Variants in DYRK1A observed in about 807,000 individuals in gnomAD.
DYRK1A encodes the protein dual specificity tyrosine-phosphorylation-regulated kinase 1A.
Under a neutral mutation model 79.7 loss-of-function variants are expected in DYRK1A, and 9 were observed. The observed-to-expected ratio is 0.11, with a 90% CI of 0.07 to 0.20. The LOEUF (loss-of-function observed/expected upper bound fraction) is 0.20, where lower values mean the gene tolerates loss of function less well. Ranked by LOEUF, DYRK1A falls within the 10% of genes least tolerant of loss-of-function variation. The pLI is 1.00. For missense variants in DYRK1A, 622 were observed against 956.0 expected, an observed-to-expected ratio of 0.65 and a Z score of 4.61; for synonymous variants, 349 against 329.7, an observed-to-expected ratio of 1.06 and a Z score of -0.63.
chr21:37,490,697 C>G (rs937423043), intron 7 of DYRK1A, among the ~76,000 whole-genome samples: 1 of 151,600 alleles, frequency 6.6e-6, no homozygotes, highest in Non-Finnish European at 1.5e-5. Context: ...TAAAATGTAG[C>G]ACTTAATTAC....
At chr21:37,457,033 C>CTTATTTAT (rs769669965) in intron 2 of DYRK1A, among the ~76,000 whole-genome samples, 3 of 118,266 alleles carry the variant, frequency 2.5e-5, no homozygotes, top group African/African-American at 7.6e-5. Context: ...TACTTACTTA[C>CTTATTTAT]TTACTTATTT....
intron 1 of DYRK1A, among the ~76,000 whole-genome samples, chr21:37,403,070 T>A (rs762767305): frequency 4.6e-5 from 7 of 152,212 alleles, no homozygotes; most frequent in Non-Finnish European, 8.8e-5. Context: ...TGGCCTAGAT[T>A]AGATAGTTTC....
intron 1 of DYRK1A, chr21:37,375,120 A>G: frequency 6.6e-6 from 1 of 152,178 alleles, no homozygotes; most frequent in Non-Finnish European, 1.5e-5. Flanking sequence ...ATCTTAAAGT[A>G]AGTATGTGGC....
rs1375702192 is a variant in DYRK1A, at chr21:37,486,902, G to A, written c.637+288G>A. On this transcript the variant is annotated intron_variant, in intron 6 of 11. Coordinates refer to ENST00000647188, the MANE Select transcript of DYRK1A (RefSeq NM_001347721.2). ...GTACCATTTGTTTGCTAATAATGAT[G>A]CATGTTTATCCATAGGGTCATCTTT... is the stretch of plus-strand genomic sequence containing the variant. 1.4e-5 allele frequency: 3 copies of A among 215,946 alleles called. No individual in the cohort carries two copies. In the Admixed American group the frequency reaches 1.8e-4, roughly 13 times the overall value. 13.4% of individuals were successfully genotyped at this position (215,946 alleles called of 1,614,324 possible). A position where few individuals can be genotyped will look rare whatever the true frequency, so the allele number is the denominator to read the frequency against.
rs1217012105 is a variant in DYRK1A at position 37,403,659 on chromosome 21, ATATATGTG to A, written c.-76-16638_-76-16631del. Among the ~76,000 whole-genome samples the A allele has an allele frequency of 1.4e-3, 174 of 125,346 alleles. 1 individual carries two copies. Among genetic ancestry groups the A allele is most frequent in the African/African-American group, 3.4e-3 (102 of 30,222 alleles). The allele number at this position is 125,346 out of a possible 152,430, so 82.2% of individuals were successfully genotyped here. On this transcript the variant is annotated intron_variant, in intron 1 of 11. Transcript: ENST00000647188. ...TAAAAAAAAAAAAAAATATATATAT[ATATATGTG>A]TGTGTGTGTGTGTGTGTGTGTGTGT...
At chr21:37,490,781 A>G (rs2053064274) in intron 7 of DYRK1A, among the ~76,000 whole-genome samples, 1 of 151,896 alleles carries the variant, frequency 6.6e-6, no homozygotes, top group Non-Finnish European at 1.5e-5. Flanking sequence ...AAAGACATTG[A>G]TTTTTTTGAA....
At chr21:37,368,429 G>C (rs1169275004) in intron 1 of DYRK1A, among the ~76,000 whole-genome samples, 2 of 152,206 alleles carry the variant, frequency 1.3e-5, no homozygotes, top group African/African-American at 4.8e-5. Context: ...ATCTGAAATA[G>C]TTAAAAATGG....
intron 8 of DYRK1A, 61 bp from the exon 9 acceptor site, chr21:37,496,054 TTGA>T: frequency 4.6e-6 from 7 of 1,506,720 alleles, no homozygotes; most frequent in Non-Finnish European, 6.3e-6. Context: ...AATGAATGAC[TTGA>T]TGAGCAGGAG....
chr21:37,408,266 A>G (rs571987125), intron 1 of DYRK1A, among the ~76,000 whole-genome samples: 2 of 152,280 alleles, frequency 1.3e-5, no homozygotes, highest in South Asian at 2.1e-4. Context: ...TGGTTTGAAG[A>G]TGACTGTACT....
At chr21:37,381,801 A>G (rs1217781821) in intron 1 of DYRK1A, among the ~76,000 whole-genome samples, 1 of 152,194 alleles carries the variant, frequency 6.6e-6, no homozygotes, top group Non-Finnish European at 1.5e-5. Flanking sequence ...ACTCAAAAAC[A>G]AAAACAACAA....
rs1164986221 is a variant in DYRK1A at position 37,440,130 on chromosome 21, CT to C, written c.10+19769del. ...CCGTTGACTTTGATTTTGTTTGCTC[CT>C]TTTTTTTTTTTTTTTTTTTTTTGAG... On this transcript the variant is annotated intron_variant, in intron 2 of 11. Transcript: ENST00000647188. Among the ~76,000 whole-genome samples the C allele has an allele frequency of 8.3e-3, 314 of 37,746 alleles. 1 individual carries two copies. The highest frequency in any genetic ancestry group is 0.012 in the South Asian group (9 of 770). The allele number at this position is 37,746 out of a possible 152,430, so 24.8% of individuals were successfully genotyped here.
At chr21:37,445,030 G>A (rs2051223575) in intron 2 of DYRK1A, among the ~76,000 whole-genome samples, 1 of 152,174 alleles carries the variant, frequency 6.6e-6, no homozygotes, top group African/African-American at 2.4e-5. Flanking sequence ...TAAGAAAGGT[G>A]CCCCAGGGAC....
chr21:37,473,352 T>C (rs942647133), intron 3 of DYRK1A, among the ~76,000 whole-genome samples: 1 of 152,214 alleles, frequency 6.6e-6, no homozygotes, highest in Non-Finnish European at 1.5e-5. Context: ...TTTATTCTAA[T>C]ATTCAGACAG....
Position 37,366,857 on chromosome 21 carries a change from AT to A in DYRK1A, c.-846del, listed in dbSNP as rs2049316171. 1 of 152,384 alleles carries A rather than the reference AT, an allele frequency of 6.6e-6. No homozygotes were observed. The highest frequency in any genetic ancestry group is 1.5e-5 in the Non-Finnish European group (1 of 68,400). The allele number at this position is 152,384 out of a possible 1,614,324, so 9.4% of individuals were successfully genotyped here. A position where few individuals can be genotyped will look rare whatever the true frequency, so the allele number is the denominator to read the frequency against. On this transcript the variant is annotated 5_prime_UTR_variant, in exon 1 of 12. It adds an upstream start codon to the 5' untranslated region. Transcript: ENST00000647188. ...CGCCCGAATAATAATAAAAAGCCCC[AT>A]TGGAGTGAGGCGGGGGTGGCGGCGG...
intron 1 of DYRK1A, among the ~76,000 whole-genome samples, chr21:37,402,536 A>G (rs759577565): frequency 2.0e-4 from 30 of 151,984 alleles, no homozygotes; most frequent in East Asian, 5.8e-4. Flanking sequence ...AAGATTTTCT[A>G]TTTCTCTGCT....
intron 1 of DYRK1A, among the ~76,000 whole-genome samples, chr21:37,385,205 C>G (rs1207070476): frequency 6.6e-6 from 1 of 152,136 alleles, no homozygotes; most frequent in African/African-American, 2.4e-5. Context: ...AATATCACCA[C>G]AGAGTTAGTA....
intron 1 of DYRK1A, chr21:37,419,066 C>T (rs1018430525): frequency 1.3e-5 from 2 of 152,116 alleles, no homozygotes; most frequent in Non-Finnish European, 1.5e-5. Context: ...AGTATAGACT[C>T]AAATCTATAT....
intron 1 of DYRK1A, among the ~76,000 whole-genome samples, chr21:37,409,720 A>G (rs2050209913): frequency 6.6e-6 from 1 of 152,182 alleles, no homozygotes; most frequent in Non-Finnish European, 1.5e-5. Context: ...TTGGCCAAAG[A>G]TATTCATTAT....
At chr21:37,442,232 T>G (rs1298612079) in intron 2 of DYRK1A, among the ~76,000 whole-genome samples, 1 of 152,132 alleles carries the variant, frequency 6.6e-6, no homozygotes, top group Non-Finnish European at 1.5e-5. Flanking sequence ...GTTGAACTTT[T>G]AGATCTATGG....
Sources: allele counts gnomAD v4.1 joint callset (sites outside exome capture counted in the v4.1 genomes callset), GRCh38; gene constraint gnomAD v4.1.1; transcripts MANE v1.5; gene names NCBI Gene and HGNC (gene_info 2026-07-23, HGNC 2026-07-21).